PTPRN2: variants seen among roughly 807,000 people sequenced by gnomAD.
PTPRN2 encodes the protein protein tyrosine phosphatase receptor type N2, also known as receptor-type tyrosine-protein phosphatase N2.
PTPRN2 carries 74 observed loss-of-function variants against 118.8 expected under a neutral mutation model. The ratio of observed to expected loss-of-function variants is 0.62; its 90% confidence interval spans 0.52 to 0.76. PTPRN2 has a LOEUF of 0.76. Among genes scored for constraint, PTPRN2 ranks in the 30% least tolerant of loss-of-function variants. The pLI, the probability that PTPRN2 is intolerant of heterozygous loss-of-function variation, is 0.00. For missense variants in PTPRN2, 1,481 were observed against 1,394.4 expected, an observed-to-expected ratio of 1.06 and a Z score of -0.99; for synonymous variants, 641 against 608.0, an observed-to-expected ratio of 1.05 and a Z score of -0.80.
chr7:157,634,597 C>T (rs908365292), intron 14 of PTPRN2, among the ~76,000 whole-genome samples: 2 of 152,174 alleles, frequency 1.3e-5, no homozygotes, highest in East Asian at 1.9e-4. Context: ...GTCAATGCAT[C>T]GCGACCGGGC....
At chr7:158,216,301 A>G (rs1827951767) in intron 3 of PTPRN2, among the ~76,000 whole-genome samples, 1 of 152,176 alleles carries the variant, frequency 6.6e-6, no homozygotes, top group East Asian at 1.9e-4. Context: ...GGAGGAAGAA[A>G]CAAAGAAACA....
At chr7:158,136,980 T>C (rs1171740567) in intron 7 of PTPRN2, among the ~76,000 whole-genome samples, 1 of 136,032 alleles carries the variant, frequency 7.4e-6, no homozygotes, top group South Asian at 2.2e-4. Context: ...CAAAGTTAAC[T>C]CACGGCAAAA....
intron 12 of PTPRN2, among the ~76,000 whole-genome samples, chr7:157,734,145 G>T (rs1304829555): frequency 1.9e-5 from 1 of 53,914 alleles, no homozygotes; most frequent in African/African-American, 7.5e-5. Context: ...CGTCCCAGGC[G>T]CCCAGCACAG....
At chr7:158,411,764 G>C (rs576302443) in intron 2 of PTPRN2, among the ~76,000 whole-genome samples, 20 of 152,052 alleles carry the variant, frequency 1.3e-4, no homozygotes, top group Admixed American at 1.2e-3. Context: ...CAGGGCCCAG[G>C]TCTTATCCAG....
chr7:158,145,872 G>A (rs1819918933), intron 6 of PTPRN2, among the ~76,000 whole-genome samples: 1 of 152,218 alleles, frequency 6.6e-6, no homozygotes, highest in African/African-American at 2.4e-5. Flanking sequence ...CATGCTCCCG[G>A]AGTCTTGGCC....
intron 2 of PTPRN2, among the ~76,000 whole-genome samples, chr7:158,441,045 ATGG>A (rs1563295491): frequency 3.0e-5 from 3 of 100,062 alleles, no homozygotes; most frequent in East Asian, 3.2e-4. Flanking sequence ...GGTAGTAGTG[ATGG>A]TGGTAGTGAT....
chr7:158,540,277 G>T (rs1049604873), intron 1 of PTPRN2, among the ~76,000 whole-genome samples: 1 of 152,194 alleles, frequency 6.6e-6, no homozygotes, highest in East Asian at 1.9e-4. Context: ...TACTCCAAGC[G>T]TATTAGGGTC....
At chr7:157,959,730 A>G (rs148670503) in intron 11 of PTPRN2, among the ~76,000 whole-genome samples, 1 of 152,226 alleles carries the variant, frequency 6.6e-6, no homozygotes, top group East Asian at 1.9e-4. Flanking sequence ...GTGTACTCCT[A>G]GTGGGAATGT....
At chr7:158,156,008 A>G (rs1210328903) in intron 6 of PTPRN2, among the ~76,000 whole-genome samples, 1 of 152,194 alleles carries the variant, frequency 6.6e-6, no homozygotes, top group Non-Finnish European at 1.5e-5. Context: ...ATATGCCAGC[A>G]TGTTGTCTAT....
intron 1 of PTPRN2, among the ~76,000 whole-genome samples, chr7:158,508,323 C>T (rs115460051): frequency 0.018 from 2,741 of 152,272 alleles, 83 homozygotes; most frequent in African/African-American, 0.061. Flanking sequence ...CGGGGGCTTC[C>T]ACAGGCTGCT....
chr7:158,351,374 G>T (rs1160075163), intron 2 of PTPRN2, among the ~76,000 whole-genome samples: 3 of 152,106 alleles, frequency 2.0e-5, no homozygotes. Flanking sequence ...GTTCCTAATT[G>T]TTGGGCACAG....
At chr7:157,830,631 A>C (rs1309012093) in intron 12 of PTPRN2, among the ~76,000 whole-genome samples, 1 of 152,234 alleles carries the variant, frequency 6.6e-6, no homozygotes, top group Admixed American at 6.5e-5. Context: ...CCTGCATCTG[A>C]ATCTAGTAGT....
intron 10 of PTPRN2, among the ~76,000 whole-genome samples, chr7:158,099,792 G>A (rs113495068): frequency 1.4e-4 from 1 of 7,326 alleles, no homozygotes; most frequent in Non-Finnish European, 2.7e-4. Context: ...AACACATCCC[G>A]GCTGCCTCCC....
chr7:157,942,312 C>T (rs888594740), intron 11 of PTPRN2, among the ~76,000 whole-genome samples: 1 of 152,190 alleles, frequency 6.6e-6, no homozygotes, highest in Non-Finnish European at 1.5e-5. Flanking sequence ...CAGCTCAGAG[C>T]CCACGGTGGG....
intron 12 of PTPRN2, among the ~76,000 whole-genome samples, chr7:157,888,728 C>T: frequency 6.6e-6 from 1 of 152,210 alleles, no homozygotes; most frequent in Non-Finnish European, 1.5e-5. Flanking sequence ...CCACAGCAAC[C>T]ACGGTCAATG....
At chr7:158,333,329 G>C (rs57603667) in intron 2 of PTPRN2, among the ~76,000 whole-genome samples, 69,104 of 79,146 alleles carry the variant, frequency 0.87, 30,347 homozygotes, top group South Asian at 0.91. Context: ...CACCCACACT[G>C]TCACCATAAG....
intron 1 of PTPRN2, among the ~76,000 whole-genome samples, chr7:158,503,361 A>C (rs945957503): frequency 6.6e-6 from 1 of 152,262 alleles, no homozygotes; most frequent in African/African-American, 2.4e-5. Flanking sequence ...ACAGCTGTGT[A>C]CCATGTGCAG....
chr7:158,100,811 T>C (rs1815173243), intron 10 of PTPRN2, among the ~76,000 whole-genome samples: 3 of 152,208 alleles, frequency 2.0e-5, no homozygotes, highest in East Asian at 3.8e-4. Flanking sequence ...GTCGGATATA[T>C]AGATCATGAA....
chr7:158,164,816 A>T (rs559883507), intron 6 of PTPRN2, among the ~76,000 whole-genome samples: 1 of 152,254 alleles, frequency 6.6e-6, no homozygotes, highest in East Asian at 1.9e-4. Context: ...ATGCAGGTAG[A>T]GGGGCAGCCG....
Sources: allele counts gnomAD v4.1 joint callset (sites outside exome capture counted in the v4.1 genomes callset), GRCh38; gene constraint gnomAD v4.1.1; transcripts MANE v1.5; gene names NCBI Gene and HGNC (gene_info 2026-07-23, HGNC 2026-07-21).